FCHO1: variants seen among roughly 807,000 people sequenced by gnomAD.
The protein encoded by FCHO1 is FCH and mu domain containing endocytic adaptor 1.
A neutral mutation model predicts 114.4 loss-of-function variants in FCHO1; 45 were observed. The ratio of observed to expected loss-of-function variants is 0.39; its 90% CI spans 0.31 to 0.50. FCHO1 has a LOEUF of 0.50. FCHO1 is among the 20% of genes least tolerant of loss of function. The pLI is 0.77. For missense variants in FCHO1, 1,042 were observed against 1,209.6 expected (o/e 0.86, Z 2.06); for synonymous variants, 480 against 488.9 (o/e 0.98, Z 0.24).
intron 4 of FCHO1, among the ~76,000 whole-genome samples, chr19:17,761,653 T>TATAA (rs1491266072): frequency 7.2e-6 from 1 of 139,728 alleles, no homozygotes; most frequent in South Asian, 2.2e-4. Context: ...TATATATATA[T>TATAA]ACACACACAC....
chr19:17,752,697 G>A (rs1405066559), intron 1 of FCHO1, among the ~76,000 whole-genome samples: 1 of 146,768 alleles, frequency 6.8e-6, no homozygotes, highest in Non-Finnish European at 1.5e-5. Context: ...TCAGGAGTTC[G>A]AGACTGGCCT....
chr19:17,779,581 C>A (rs1206876381), intron 20 of FCHO1, among the ~76,000 whole-genome samples: 15 of 94,816 alleles, frequency 1.6e-4, no homozygotes, highest in Non-Finnish European at 2.1e-4. Flanking sequence ...GGGGAAGGAG[C>A]GGAGTCAAGG....
At chr19:17,763,808 C>G (rs2087520379) in intron 5 of FCHO1, among the ~76,000 whole-genome samples, 1 of 152,030 alleles carries the variant, frequency 6.6e-6, no homozygotes, top group African/African-American at 2.4e-5. Flanking sequence ...AGTGATCCTC[C>G]TGCCTCGGCC....
chr19:17,773,759 C>T (rs1345450247), intron 11 of FCHO1, among the ~76,000 whole-genome samples: 2 of 152,138 alleles, frequency 1.3e-5, no homozygotes, highest in Non-Finnish European at 2.9e-5. Context: ...CATCCCACTT[C>T]TGATGATGTG....
intron 28 of FCHO1, 111 bp downstream of exon 28, chr19:17,787,957 G>A (rs2094055640): frequency 1.5e-6 from 2 of 1,357,724 alleles, no homozygotes; most frequent in Admixed American, 4.6e-5. Flanking sequence ...AAGATAGGTG[G>A]GTGTTGGGGC....
At chr19:17,759,640 G>T (rs1231663521) in intron 4 of FCHO1, among the ~76,000 whole-genome samples, 2 of 151,954 alleles carry the variant, frequency 1.3e-5, no homozygotes, top group Non-Finnish European at 2.9e-5. Flanking sequence ...GGGATCAGAA[G>T]GTGTGTATGA....
intron 6 of FCHO1, among the ~76,000 whole-genome samples, chr19:17,764,851 A>G (rs958292577): frequency 2.0e-5 from 3 of 151,802 alleles, no homozygotes; most frequent in Admixed American, 6.6e-5. Flanking sequence ...GGATCACCGG[A>G]GGTCAGGAGT....
chr19:17,767,345 T>C (rs1427962200), intron 7 of FCHO1, among the ~76,000 whole-genome samples: 1 of 145,792 alleles, frequency 6.9e-6, no homozygotes, highest in Non-Finnish European at 1.5e-5. Flanking sequence ...CCCAGGATCC[T>C]ACAGGAGTTT....
chr19:17,784,601 C>G lies in FCHO1; in HGVS notation c.2227-124C>G. Reference sequence around the variant, plus strand: ...ATACAGCCTCTCATCCATCAAATCTCCCTGTGACTGGACCCCCTTGGGGCG... The same window carrying G: ...ATACAGCCTCTCATCCATCAAATCTGCCTGTGACTGGACCCCCTTGGGGCG... On this transcript the variant is annotated intron_variant, in intron 25 of 28. Coordinates refer to ENST00000596536, the MANE Select transcript of FCHO1 (RefSeq NM_015122.3). This position sits in a 1 kb window ranked among gnomAD's most constrained non-coding sequence, Gnocchi z 5.3. The G allele has an allele frequency of 2.2e-6, 2 of 917,214 alleles. No individual in the cohort carries two copies. Among genetic ancestry groups the G allele is most frequent in the Non-Finnish European group, 3.5e-6 (2 of 565,062 alleles). The allele number at this position is 917,214 out of a possible 1,614,324, so 56.8% of individuals were successfully genotyped here. A position where few individuals can be genotyped will look rare whatever the true frequency, so the allele number is the denominator to read the frequency against.
At chr19:17,748,431 G>A (rs955144630), upstream of FCHO1, among the ~76,000 whole-genome samples, 1 of 151,922 alleles carries the variant, frequency 6.6e-6, no homozygotes, top group Non-Finnish European at 1.5e-5. Context: ...GGAATTTTGG[G>A]GAGGAGGTCA....
intron 7 of FCHO1, among the ~76,000 whole-genome samples, chr19:17,770,128 C>T (rs1017659372): frequency 6.6e-5 from 10 of 151,962 alleles, no homozygotes; most frequent in South Asian, 2.1e-4. Context: ...GGTGAAACCC[C>T]GTCTCCACTA....
intron 1 of FCHO1, chr19:17,752,307 G>A (rs188579488): frequency 1.3e-5 from 2 of 152,180 alleles, no homozygotes; most frequent in Admixed American, 1.3e-4. Context: ...CAACCAGGTT[G>A]GAGTGCAGTG....
At chr19:17,756,199 C>T (rs1351591770) in intron 4 of FCHO1, among the ~76,000 whole-genome samples, 1 of 152,166 alleles carries the variant, frequency 6.6e-6, no homozygotes, top group Non-Finnish European at 1.5e-5. Flanking sequence ...TTAAAGGGGC[C>T]GCACTCCCTT....
Position 17,776,490 on chromosome 19 carries a change from T to A in FCHO1, c.1208-145T>A, listed in dbSNP as rs1599722636. The stretch of plus-strand genomic sequence containing the variant: ...AGCTAGCATCTGGAGACAGGCTCGC[T>A]TAGGCTTGAATCCATGTCTGCCTGA... On this transcript the variant is annotated intron_variant, in intron 17 of 28. Transcript: ENST00000596536. This position sits in a 1 kb window ranked among gnomAD's most constrained non-coding sequence, Gnocchi z 4.4. The A allele has an allele frequency of 1.9e-6, 2 of 1,064,104 alleles. No individual in the cohort carries two copies. Among genetic ancestry groups the A allele is most frequent in the Non-Finnish European group, 2.9e-6 (2 of 694,336 alleles). 65.9% of individuals were successfully genotyped at this position (1,064,104 alleles called of 1,614,324 possible). A position where few individuals can be genotyped will look rare whatever the true frequency, so the allele number is the denominator to read the frequency against.
chr19:17,767,236 C>T (rs1057106198), intron 7 of FCHO1, among the ~76,000 whole-genome samples: 1 of 151,994 alleles, frequency 6.6e-6, no homozygotes, highest in African/African-American at 2.4e-5. Context: ...TGCACGCCAC[C>T]ATGCCTGGCT....
intron 27 of FCHO1, among the ~76,000 whole-genome samples, chr19:17,786,840 T>G (rs1023292056): frequency 6.7e-6 from 1 of 149,402 alleles, no homozygotes; most frequent in Non-Finnish European, 1.5e-5. Context: ...ATCACTTGAG[T>G]CCAGCAGTTG....
intron 4 of FCHO1, among the ~76,000 whole-genome samples, chr19:17,755,855 T>C (rs2083303851): frequency 5.3e-5 from 8 of 152,064 alleles, no homozygotes; most frequent in Admixed American, 6.5e-5. Context: ...GAACCCAGCC[T>C]TGGGGGTCCT....
At chr19:17,760,281 C>G (rs981438468) in intron 4 of FCHO1, among the ~76,000 whole-genome samples, 2 of 152,134 alleles carry the variant, frequency 1.3e-5, no homozygotes, top group Non-Finnish European at 2.9e-5. Flanking sequence ...GAACTCCTGA[C>G]CTCAGATAAT....
intron 27 of FCHO1, among the ~76,000 whole-genome samples, chr19:17,787,412 A>G (rs972528726): frequency 2.5e-3 from 277 of 109,972 alleles, no homozygotes; most frequent in African/African-American, 0.016. Context: ...CCCTGTCTCT[A>G]AAAAAAAAAA....
Sources: allele counts gnomAD v4.1 joint callset (sites outside exome capture counted in the v4.1 genomes callset), GRCh38; gene constraint gnomAD v4.1.1; non-coding constraint Gnocchi (gnomAD v3.1); transcripts MANE v1.5; gene names NCBI Gene and HGNC (gene_info 2026-07-23, HGNC 2026-07-21).